The following MAN2A1 variants were observed in gnomAD, a reference collection of about 807,000 sequenced individuals.
MAN2A1 encodes the protein mannosidase alpha class 2A member 1, also known as alpha-mannosidase 2.
In MAN2A1, 76 loss-of-function variants were observed where a neutral mutation model predicts 142.6. The ratio of observed to expected loss-of-function variants is 0.53; its 90% CI spans 0.44 to 0.65. The LOEUF is 0.65. Ranked by LOEUF, MAN2A1 falls within the 30% of genes least tolerant of loss-of-function variation. The pLI, the probability that MAN2A1 is intolerant of heterozygous loss-of-function variation, is 0.00. For synonymous variants in MAN2A1, 559 were observed against 473.2 expected, an observed-to-expected ratio of 1.18 and a Z score of -2.35; for missense variants, 1,311 against 1,365.1, an observed-to-expected ratio of 0.96 and a Z score of 0.62.
intron 5 of MAN2A1, among the ~76,000 whole-genome samples, chr5:109,764,394 CTTTTT>C (rs1223058808): frequency 5.8e-4 from 88 of 152,156 alleles, no homozygotes; most frequent in Middle Eastern, 6.8e-3. Context: ...GGCATGAAAT[CTTTTT>C]GATGAGCTTT....
intron 5 of MAN2A1, among the ~76,000 whole-genome samples, chr5:109,766,478 T>G (rs374830734): frequency 3.5e-4 from 54 of 152,292 alleles, no homozygotes; most frequent in African/African-American, 1.3e-3. Flanking sequence ...GATCCTGACT[T>G]TTCCTTATTG....
intron 6 of MAN2A1, among the ~76,000 whole-genome samples, chr5:109,769,680 C>T (rs937090994): frequency 6.6e-6 from 1 of 152,066 alleles, no homozygotes; most frequent in Non-Finnish European, 1.5e-5. Context: ...ATATCTTATT[C>T]GTTTTGTTTT....
chr5:109,704,798 G>A (rs537392039), intron 1 of MAN2A1, among the ~76,000 whole-genome samples: 2 of 152,222 alleles, frequency 1.3e-5, no homozygotes, highest in South Asian at 2.1e-4. Flanking sequence ...GCTTTAATGC[G>A]GCGCTTCTTA....
intron 20 of MAN2A1, chr5:109,862,572 A>G (rs1201551954): frequency 6.6e-6 from 1 of 152,204 alleles, no homozygotes; most frequent in African/African-American, 2.4e-5. Flanking sequence ...GCATTAATGA[A>G]TGTAAAAGCA....
At chr5:109,807,069 A>G (rs1030034032) in intron 12 of MAN2A1, among the ~76,000 whole-genome samples, 2 of 152,074 alleles carry the variant, frequency 1.3e-5, no homozygotes, top group African/African-American at 4.8e-5. Context: ...AGCAGGCCAT[A>G]TTTGTTACTT....
intron 1 of MAN2A1, chr5:109,699,625 A>G (rs1447411689): frequency 6.5e-6 from 1 of 152,694 alleles, no homozygotes; most frequent in Admixed American, 6.5e-5. Flanking sequence ...AGGTTCCAGC[A>G]GGGGAGTGCA....
chr5:109,839,023 A>G (rs1755128414), intron 16 of MAN2A1, among the ~76,000 whole-genome samples: 1 of 152,160 alleles, frequency 6.6e-6, no homozygotes, highest in African/African-American at 2.4e-5. Flanking sequence ...ATTTCATTTC[A>G]TGTATTCTGT....
chr5:109,717,146 C>G (rs2269202), intron 3 of MAN2A1, among the ~76,000 whole-genome samples: 1 of 151,690 alleles, frequency 6.6e-6, no homozygotes, highest in Non-Finnish European at 1.5e-5. Flanking sequence ...CTTAATATCT[C>G]GATTTCATGA....
chr5:109,719,157 T>C (rs1582820846), intron 3 of MAN2A1, among the ~76,000 whole-genome samples: 1 of 152,182 alleles, frequency 6.6e-6, no homozygotes, highest in African/African-American at 2.4e-5. Context: ...CTAGTAAGTA[T>C]TCCTGACTAT....
chr5:109,829,242 A>G (rs1754840919), intron 16 of MAN2A1, among the ~76,000 whole-genome samples: 1 of 152,162 alleles, frequency 6.6e-6, no homozygotes, highest in African/African-American at 2.4e-5. Context: ...TTAGGAAACA[A>G]AAAGAAGTCA....
intron 20 of MAN2A1, chr5:109,863,102 A>G (rs1306043257): frequency 6.6e-6 from 1 of 152,220 alleles, no homozygotes; most frequent in Non-Finnish European, 1.5e-5. Context: ...AGTGATATGT[A>G]AGGATGGACC....
chr5:109,797,400 G>A (rs1753892379), intron 12 of MAN2A1, among the ~76,000 whole-genome samples: 1 of 152,064 alleles, frequency 6.6e-6, no homozygotes, highest in Non-Finnish European at 1.5e-5. Context: ...GTGAGATAAG[G>A]AGAGATTGTT....
Position 109,867,157 on chromosome 5 carries a change from G to GGA in MAN2A1, c.*159_*160insGA, listed in dbSNP as rs1378621702. 3.2e-5 allele frequency: 3 copies of GGA among 93,442 alleles called. No individual in the cohort carries two copies. The highest frequency in any genetic ancestry group is 6.3e-5 in the Non-Finnish European group (3 of 47,776). 5.8% of individuals were successfully genotyped at this position (93,442 alleles called of 1,614,324 possible). ...CTTTTTTCTTTTACCAGTACAGTAA[G>GGA]AAAAAAAAAAAAAAAAAAAAAGCCA... On this transcript the variant is annotated 3_prime_UTR_variant, in exon 22 of 22. Transcript: ENST00000261483.
intron 6 of MAN2A1, among the ~76,000 whole-genome samples, chr5:109,768,777 C>G (rs1339966376): frequency 6.6e-6 from 1 of 152,096 alleles, no homozygotes; most frequent in African/African-American, 2.4e-5. Context: ...GTAGGGAGAA[C>G]AAGAACTTGT....
chr5:109,784,856 G>C lies in MAN2A1; in HGVS notation c.1690G>C (p.Gly564Arg), dbSNP rs1017678815. 6.2e-7 allele frequency: 1 copy of C among 1,612,544 alleles called. No individual in the cohort carries two copies. Among genetic ancestry groups the C allele is most frequent in the African/African-American group, 1.3e-5 (1 of 74,794 alleles). ...TALTEARRNL[G>R]LFQHHDAITG... Reference sequence around the variant, plus strand: ...ACTGACAGAAGCCAGAAGGAATTTGGGACTGTTTCAACATCATGATGCTAT... The same window carrying C: ...ACTGACAGAAGCCAGAAGGAATTTGCGACTGTTTCAACATCATGATGCTAT... The change falls in exon 10 of 22, where the codon GGA becomes CGA. Residue 564 changes from glycine to arginine, a missense_variant. By Grantham distance (125) the Gly-to-Arg change is moderately radical. This residue lies in a region of MAN2A1 where 890 missense variants were observed against 920.5 expected (regional missense o/e 0.97). Coordinates refer to ENST00000261483, the MANE Select transcript of MAN2A1 (RefSeq NM_002372.4).
chr5:109,810,566 A>C (rs1754288995), intron 12 of MAN2A1, among the ~76,000 whole-genome samples: 2 of 152,160 alleles, frequency 1.3e-5, no homozygotes, highest in Non-Finnish European at 2.9e-5. Context: ...TGAAAAAATC[A>C]ACTGTGTACC....
rs764512199 is a variant in MAN2A1 at position 109,767,604 on chromosome 5, A to C, written c.905A>C (p.Asn302Thr). The change falls in exon 6 of 22, where the codon AAC (asparagine) becomes ACC (threonine). Residue 302 changes from asparagine (N) to threonine (T), a missense_variant. Asn to Thr is a moderately conservative substitution (Grantham distance 65). Around this residue, in one of 3 missense-constraint regions of MAN2A1, gnomAD observed 409 missense variants for 412.7 expected, o/e 0.99. Transcript: ENST00000261483. ...TCACCAACAATGGCTTATCTTCTAA[A>C]CCGTGCTGGACTTTCTCACATGCTT... Reference protein sequence around the residue: ...GHSPTMAYLLNRAGLSHMLIQ... With the variant: ...GHSPTMAYLLTRAGLSHMLIQ... 4 of 1,613,658 alleles carry C rather than the reference A, an allele frequency of 2.5e-6. No homozygotes were observed. The South Asian group carries it at 4.4e-5, about 18-fold the overall frequency.
At chr5:109,830,268 C>T (rs1485753475) in intron 16 of MAN2A1, among the ~76,000 whole-genome samples, 1 of 152,204 alleles carries the variant, frequency 6.6e-6, no homozygotes, top group Non-Finnish European at 1.5e-5. Flanking sequence ...TTAGTTTTGC[C>T]TCTAAGCAAA....
intron 4 of MAN2A1, among the ~76,000 whole-genome samples, chr5:109,735,776 C>G (rs1047301322): frequency 6.6e-6 from 1 of 151,426 alleles, no homozygotes; most frequent in Non-Finnish European, 1.5e-5. Context: ...TTAAATTCTT[C>G]GTACTCCATC....
Sources: allele counts gnomAD v4.1 joint callset (sites outside exome capture counted in the v4.1 genomes callset), GRCh38; gene constraint gnomAD v4.1.1; regional missense constraint gnomAD v4.1.1; transcripts MANE v1.5; gene names NCBI Gene and HGNC (gene_info 2026-07-23, HGNC 2026-07-21).